The following PLOD2 variants were observed in gnomAD, a reference collection of about 807,000 sequenced individuals.
PLOD2 encodes the protein procollagen-lysine,2-oxoglutarate 5-dioxygenase 2, also known as lysine hydroxylase 2.
PLOD2 carries 65 observed loss-of-function variants against 101.0 expected under a neutral mutation model. That is an observed-to-expected ratio of 0.64 (90% CI 0.53 to 0.79). The LOEUF is 0.79. Among genes scored for constraint, PLOD2 ranks in the 30% least tolerant of loss-of-function variants. PLOD2 has a pLI of 0.00. For missense variants in PLOD2, 909 were observed against 914.6 expected, an observed-to-expected ratio of 0.99 and a Z score of 0.08; for synonymous variants, 314 against 302.9, an observed-to-expected ratio of 1.04 and a Z score of -0.38.
intron 3 of PLOD2, among the ~76,000 whole-genome samples, chr3:146,119,310 T>A (rs1040674336): frequency 7.9e-5 from 12 of 152,206 alleles, no homozygotes; most frequent in African/African-American, 2.9e-4. Context: ...CAGCATCATG[T>A]TTCCTGTACA....
In PLOD2 at chr3:146,138,040, G is replaced by T. The variant is rs954361375; in HGVS notation, c.110-13811C>A. ...CGTGTTTTCATTATTCAAAAGACAG[G>T]AAATGGTTAATTGCAAATTACCATT... is the stretch of plus-strand genomic sequence containing the variant. On this transcript the variant is annotated intron_variant, in intron 1 of 19. Coordinates refer to ENST00000282903, the MANE Select transcript of PLOD2 (RefSeq NM_182943.3). Among the ~76,000 whole-genome samples, 25 of 152,198 alleles carry T rather than the reference G, an allele frequency of 1.6e-4. No homozygotes were observed. In the East Asian group the frequency reaches 3.9e-3, roughly 24 times the overall value.
chr3:146,160,586 T>C (rs2032525234), intron 1 of PLOD2, among the ~76,000 whole-genome samples: 2 of 152,080 alleles, frequency 1.3e-5, no homozygotes, highest in Non-Finnish European at 2.9e-5. Flanking sequence ...AGGAAAGGTG[T>C]TGGTGCCCAT....
chr3:146,109,376 A>G (rs1416704357), intron 4 of PLOD2, among the ~76,000 whole-genome samples: 1 of 152,242 alleles, frequency 6.6e-6, no homozygotes. Flanking sequence ...TTGATAAAAT[A>G]AAGTGCAGGT....
At chr3:146,074,100 C>T (rs1257845032) in intron 15 of PLOD2, among the ~76,000 whole-genome samples, 4 of 151,422 alleles carry the variant, frequency 2.6e-5, no homozygotes. Flanking sequence ...TTTGACCAAT[C>T]TCTGGCATAA....
In PLOD2 at chr3:146,071,162, A is replaced by T. The variant is rs1936113954; in HGVS notation, c.2001T>A (p.Phe667Leu). Reference sequence around the variant, plus strand: ...ATTTTACTACAAAATTCAGTAGTGCAAATCCCTGAAAAAGCAAAGTAAGCC... The same window carrying T: ...ATTTTACTACAAAATTCAGTAGTGCTAATCCCTGAAAAAGCAAAGTAAGCC... ...KVFAGYYTKGFALLNFVVKYS... is the reference protein window; with the variant it reads ...KVFAGYYTKGLALLNFVVKYS... Residue 667 changes from phenylalanine (F) to leucine (L), a missense_variant, in exon 19 of 20, where the codon TTT becomes TTA. Transcript: ENST00000282903. 1 of 1,611,298 alleles carries T rather than the reference A, an allele frequency of 6.2e-7. No individual in the cohort carries two copies. Among genetic ancestry groups the T allele is most frequent in the African/African-American group, 1.3e-5 (1 of 74,886 alleles).
chr3:146,114,800 G>A (rs1937825227), intron 3 of PLOD2, among the ~76,000 whole-genome samples: 1 of 152,062 alleles, frequency 6.6e-6, no homozygotes, highest in South Asian at 2.1e-4. Context: ...ATCCACACAG[G>A]GTAGAGTCAC....
chr3:146,152,363 T>C (rs1180886572), intron 1 of PLOD2, among the ~76,000 whole-genome samples: 1 of 151,818 alleles, frequency 6.6e-6, no homozygotes, highest in Admixed American at 6.6e-5. Flanking sequence ...GAGGTTGCAG[T>C]GAGCCGAGAT....
chr3:146,151,199 A>G (rs1308851929), intron 1 of PLOD2, among the ~76,000 whole-genome samples: 1 of 152,208 alleles, frequency 6.6e-6, no homozygotes, highest in African/African-American at 2.4e-5. Context: ...TCTGACACTT[A>G]AAAGTCAAGA....
intron 8 of PLOD2, 75 bp downstream of exon 8, chr3:146,091,725 T>C: frequency 1.1e-6 from 1 of 874,880 alleles, no homozygotes; most frequent in South Asian, 1.4e-5. Context: ...ATTTGCCTTT[T>C]TTCCTATAAA....
intron 1 of PLOD2, among the ~76,000 whole-genome samples, chr3:146,129,083 T>C (rs2030752681): frequency 6.6e-6 from 1 of 152,054 alleles, no homozygotes; most frequent in African/African-American, 2.4e-5. Flanking sequence ...GAAGTAACTG[T>C]GAGTACACTG....
chr3:146,134,069 A>G (rs1180349932), intron 1 of PLOD2, among the ~76,000 whole-genome samples: 1 of 152,212 alleles, frequency 6.6e-6, no homozygotes, highest in Non-Finnish European at 1.5e-5. Context: ...CTACATGAAA[A>G]AAAGAAGAAA....
chr3:146,111,314 G>T (rs1220405408), intron 3 of PLOD2, among the ~76,000 whole-genome samples: 6 of 152,110 alleles, frequency 3.9e-5, no homozygotes, highest in Admixed American at 3.9e-4. Context: ...GTAGCTAACA[G>T]CATAATTGTA....
Position 146,115,706 on chromosome 3 carries a change from C to A in PLOD2, c.339-5258G>T, listed in dbSNP as rs917756213. 7.2e-5 allele frequency among the ~76,000 whole-genome samples: 11 copies of A among 152,220 alleles called. No homozygotes were observed. The South Asian group carries it at 1.7e-3, about 23-fold the overall frequency. On this transcript the variant is annotated intron_variant, in intron 3 of 19. Coordinates refer to ENST00000282903, the MANE Select transcript of PLOD2 (RefSeq NM_182943.3). ...AAACTATTTTAAAAATGATTCTGTG[C>A]CAGTTCCCAGACTGTATCAATGGTT...
rs1233949163 is a variant in PLOD2 at position 146,090,997 on chromosome 3, ATGT to A, written c.879+800_879+802del. On this transcript the variant is annotated intron_variant, in intron 8 of 19. Coordinates refer to ENST00000282903, the MANE Select transcript of PLOD2 (RefSeq NM_182943.3). ...ATGTCAGCAATTTTTTGGAATAAAAATGTTGTTGTAAGATATCAGCTCTGGCTG... is the reference window on the plus strand; with the variant it reads ...ATGTCAGCAATTTTTTGGAATAAAAATGTTGTAAGATATCAGCTCTGGCTG... Among the ~76,000 whole-genome samples the A allele has an allele frequency of 5.3e-5, 8 of 152,022 alleles. No homozygotes were observed. The East Asian group carries it at 5.8e-4, about 11-fold the overall frequency.
intron 6 of PLOD2, among the ~76,000 whole-genome samples, chr3:146,103,405 G>A (rs924235052): frequency 2.6e-5 from 4 of 151,670 alleles, no homozygotes; most frequent in Non-Finnish European, 5.9e-5. Context: ...GAGGAGCAGA[G>A]CCATCGTCTT....
chr3:146,153,749 G>A (rs997712243), intron 1 of PLOD2, among the ~76,000 whole-genome samples: 4 of 150,530 alleles, frequency 2.7e-5, no homozygotes, highest in Non-Finnish European at 4.4e-5. Context: ...GACTGACCAG[G>A]AGTACTGTCA....
At chr3:146,087,004 T>G (rs1000645389) in intron 9 of PLOD2, 96 bp from the exon 10 acceptor site, 10 of 624,950 alleles carry the variant, frequency 1.6e-5, no homozygotes, top group Non-Finnish European at 2.4e-5. Context: ...AGGTCATGAA[T>G]TCTACAATTC....
At chr3:146,097,228 C>T (rs1204848016) in intron 7 of PLOD2, among the ~76,000 whole-genome samples, 5 of 151,390 alleles carry the variant, frequency 3.3e-5, no homozygotes, top group Non-Finnish European at 7.4e-5. Flanking sequence ...GTGAGGGGCG[C>T]TTCTGCCGGG....
chr3:146,077,733 T>C (rs1936395192), intron 14 of PLOD2, 129 bp downstream of exon 14: 1 of 604,812 alleles, frequency 1.7e-6, no homozygotes, highest in South Asian at 2.2e-5. Context: ...AACACACAGA[T>C]GACTGATGAA....
Sources: allele counts gnomAD v4.1 joint callset (sites outside exome capture counted in the v4.1 genomes callset), GRCh38; gene constraint gnomAD v4.1.1; transcripts MANE v1.5; gene names NCBI Gene and HGNC (gene_info 2026-07-23, HGNC 2026-07-21).